Variants in C14orf39 observed in about 807,000 individuals in gnomAD.
The protein encoded by C14orf39 is chromosome 14 open reading frame 39.
Under a neutral mutation model 85.6 loss-of-function variants are expected in C14orf39, and 66 were observed. The observed-to-expected ratio is 0.77, with a 90% confidence interval of 0.63 to 0.95. C14orf39 has a LOEUF of 0.95. Among genes scored for constraint, C14orf39 ranks in the 40% least tolerant of loss-of-function variants. The pLI is 0.00. For missense variants in C14orf39, 735 were observed against 663.9 expected (o/e 1.11, Z -1.18); for synonymous variants, 242 against 214.0 (o/e 1.13, Z -1.14).
chr14:60,469,681 TA>T, intron 7 of C14orf39, 28 bp from the exon 8 acceptor site: 2 of 954,764 alleles, frequency 2.1e-6, no homozygotes, highest in South Asian at 2.7e-5. Flanking sequence ...CTATGTCATA[TA>T]AGTAAATTTT....
intron 1 of C14orf39, chr14:60,508,994 GAAGAA>G (rs1893247181): frequency 1.2e-5 from 3 of 242,534 alleles, no homozygotes; most frequent in Non-Finnish European, 2.4e-5. Flanking sequence ...GCAAAATACT[GAAGAA>G]AAGTCCAGGA....
At chr14:60,478,178 C>CAAAAGAAAAAAAAA (rs1555358860) in intron 5 of C14orf39, 122 bp downstream of exon 5, 11 of 90,080 alleles carry the variant, frequency 1.2e-4, no homozygotes, top group African/African-American at 3.9e-4. Flanking sequence ...GACTCCATCT[C>CAAAAGAAAAAAAAA]AAAAAAAAAA....
intron 1 of C14orf39, chr14:60,509,565 C>A: frequency 6.2e-7 from 1 of 1,612,230 alleles, no homozygotes; most frequent in Non-Finnish European, 8.5e-7. Context: ...GTGCTACGCG[C>A]ACGAGCCATC....
intron 11 of C14orf39, among the ~76,000 whole-genome samples, chr14:60,462,026 CT>C (rs1459345786): frequency 6.6e-6 from 1 of 151,968 alleles, no homozygotes; most frequent in East Asian, 1.9e-4. Flanking sequence ...TGAAACTTTC[CT>C]TTTTATATAC....
At chr14:60,487,262 C>T (rs1892911874), upstream of C14orf39, among the ~76,000 whole-genome samples, 2 of 152,194 alleles carry the variant, frequency 1.3e-5, no homozygotes, top group African/African-American at 4.8e-5. Flanking sequence ...CTTTGACCAA[C>T]ATATTTCCTC....
intron 16 of C14orf39, among the ~76,000 whole-genome samples, chr14:60,451,305 GA>G (rs1566659116): frequency 1.3e-5 from 2 of 152,144 alleles, no homozygotes; most frequent in Non-Finnish European, 2.9e-5. Context: ...TCTAGAACTA[GA>G]AATACCATTT....
At chr14:60,511,452 G>C in intron 1 of C14orf39, 1 of 660,104 alleles carries the variant, frequency 1.5e-6, no homozygotes, top group Non-Finnish European at 2.7e-6. Context: ...CCGCGACCAC[G>C]GGAACCAGCG....
At chr14:60,450,437 A>G (rs1484966742) in intron 16 of C14orf39, among the ~76,000 whole-genome samples, 1 of 152,100 alleles carries the variant, frequency 6.6e-6, no homozygotes, top group Non-Finnish European at 1.5e-5. Context: ...CTGCCTGTGG[A>G]AAGGGAGGGA....
intron 5 of C14orf39, among the ~76,000 whole-genome samples, chr14:60,477,228 C>T (rs1892419350): frequency 6.6e-6 from 1 of 152,090 alleles, no homozygotes; most frequent in Non-Finnish European, 1.5e-5. Flanking sequence ...CTTTTTGCTC[C>T]ATACATTTCC....
intron 1 of C14orf39, chr14:60,508,941 T>G: frequency 5.2e-6 from 1 of 190,630 alleles, no homozygotes; most frequent in Non-Finnish European, 1.1e-5. Context: ...TCGCCTCTCT[T>G]TTTCTCCCAG....
At chr14:60,487,505 G>GTGTGTA (rs966577545), upstream of C14orf39, among the ~76,000 whole-genome samples, 1 of 151,946 alleles carries the variant, frequency 6.6e-6, no homozygotes, top group Non-Finnish European at 1.5e-5. Context: ...GTGTGTGTGT[G>GTGTGTA]TGTGTGTGTT....
At chr14:60,511,265 G>C (rs759639034) in intron 1 of C14orf39, 2 of 1,613,118 alleles carry the variant, frequency 1.2e-6, no homozygotes, top group Non-Finnish European at 8.5e-7. Flanking sequence ...TGCCCATCCA[G>C]GATGCTCAGA....
upstream of C14orf39, chr14:60,486,091 A>G (rs8020917): frequency 1 from 152,412 of 152,416 alleles, 76,204 homozygotes; most frequent in Middle Eastern, 1. Context: ...CGCCCCTGGT[A>G]CCAGCCCTGA....
intron 10 of C14orf39, among the ~76,000 whole-genome samples, chr14:60,466,353 A>G (rs1450743967): frequency 6.6e-6 from 1 of 151,986 alleles, no homozygotes; most frequent in Non-Finnish European, 1.5e-5. Context: ...AATGTAGTTA[A>G]TCTAATATAA....
At chr14:60,449,668 CT>C (rs1890945877) in intron 16 of C14orf39, among the ~76,000 whole-genome samples, 1 of 152,050 alleles carries the variant, frequency 6.6e-6, no homozygotes, top group South Asian at 2.1e-4. Context: ...TCAACTTTGA[CT>C]TTGTTAATTT....
At chr14:60,503,935 C>A (rs937390688) in intron 1 of C14orf39, among the ~76,000 whole-genome samples, 2 of 152,152 alleles carry the variant, frequency 1.3e-5, no homozygotes, top group African/African-American at 2.4e-5. Context: ...TCATTTGGGG[C>A]AAGATCCTTT....
Position 60,471,768 on chromosome 14 carries a change from T to C in C14orf39, c.324-29A>G, listed in dbSNP as rs567203461. ...TTAAAATTAAAAGAAATGATGTTTATATAACAACAACAGATCTAAAAACTT... is the reference window on the plus strand; with the variant it reads ...TTAAAATTAAAAGAAATGATGTTTACATAACAACAACAGATCTAAAAACTT... On this transcript the variant is annotated intron_variant, in intron 5 of 17. Transcript: ENST00000321731. 1.9e-5 allele frequency: 25 copies of C among 1,329,080 alleles called. No individual in the cohort carries two copies. The African/African-American group carries it at 3.4e-4, about 18-fold the overall frequency. The allele number at this position is 1,329,080 out of a possible 1,614,324, so 82.3% of individuals were successfully genotyped here.
intron 16 of C14orf39, among the ~76,000 whole-genome samples, chr14:60,443,265 T>C (rs1336404773): frequency 1.3e-5 from 2 of 152,196 alleles, no homozygotes; most frequent in Non-Finnish European, 2.9e-5. Context: ...TTCCCTTTCC[T>C]AGCCAAGGGA....
At chr14:60,461,466 T>C (rs1595461042) in intron 12 of C14orf39, 42 bp downstream of exon 12, 1 of 1,571,240 alleles carries the variant, frequency 6.4e-7, no homozygotes, top group Non-Finnish European at 8.7e-7. Flanking sequence ...TATCTATAAA[T>C]TATTTCAGAG....
Sources: gnomAD v4.1 joint callset for allele counts (sites outside exome capture counted in the v4.1 genomes callset) on GRCh38, gnomAD v4.1.1 for gene constraint, MANE v1.5 for transcripts, NCBI Gene and HGNC (gene_info 2026-07-23, HGNC 2026-07-21) for gene names.